The following PPP3CA variants were observed in gnomAD, a reference collection of about 807,000 sequenced individuals.
PPP3CA encodes protein phosphatase 3 catalytic subunit alpha.
A neutral mutation model predicts 66.5 loss-of-function variants in PPP3CA; 14 were observed. That is an observed-to-expected ratio of 0.21 (90% CI 0.14 to 0.33). The LOEUF (loss-of-function observed/expected upper bound fraction) is 0.33. PPP3CA is among the 10% of genes least tolerant of loss of function. The pLI, the probability that PPP3CA is intolerant of heterozygous loss-of-function variation, is 1.00. For synonymous variants in PPP3CA, 232 were observed against 226.2 expected (o/e 1.03, Z -0.23); for missense variants, 317 against 639.5 (o/e 0.50, Z 5.44).
intron 1 of PPP3CA, among the ~76,000 whole-genome samples, chr4:101,209,608 A>G (rs565604944): frequency 1.3e-5 from 2 of 152,328 alleles, no homozygotes; most frequent in East Asian, 3.9e-4. Context: ...ATTTATGCAC[A>G]TAATTTTCCT....
chr4:101,044,814 T>G (rs1194832704), intron 10 of PPP3CA, among the ~76,000 whole-genome samples: 1 of 152,214 alleles, frequency 6.6e-6, no homozygotes, highest in Non-Finnish European at 1.5e-5. Flanking sequence ...CTTCTTGCCC[T>G]TAACTTAGCA....
chr4:101,196,832 G>C (rs1506799), intron 1 of PPP3CA, among the ~76,000 whole-genome samples: 1 of 151,916 alleles, frequency 6.6e-6, no homozygotes. Flanking sequence ...CCACTCACCC[G>C]CATCTTCTTA....
At chr4:101,046,447 T>G (rs1727769918) in intron 10 of PPP3CA, among the ~76,000 whole-genome samples, 1 of 152,090 alleles carries the variant, frequency 6.6e-6, no homozygotes, top group African/African-American at 2.4e-5. Context: ...GGCTTCTTTC[T>G]TTACAGGACG....
intron 1 of PPP3CA, among the ~76,000 whole-genome samples, chr4:101,313,795 A>G (rs1039639707): frequency 6.6e-6 from 1 of 152,250 alleles, no homozygotes; most frequent in African/African-American, 2.4e-5. Context: ...AGAATTTTAA[A>G]TGAAAATAAA....
intron 6 of PPP3CA, among the ~76,000 whole-genome samples, chr4:101,091,228 T>C (rs1729925261): frequency 6.6e-6 from 1 of 152,194 alleles, no homozygotes. Context: ...ATCTAGGGTA[T>C]AATTAGAAAG....
intron 1 of PPP3CA, among the ~76,000 whole-genome samples, chr4:101,248,297 A>C (rs1726555290): frequency 6.6e-6 from 1 of 152,238 alleles, no homozygotes; most frequent in African/African-American, 2.4e-5. Flanking sequence ...TATGCATTAA[A>C]TTTCTAGATT....
At chr4:101,178,095 A>C (rs753030022) in intron 2 of PPP3CA, among the ~76,000 whole-genome samples, 3 of 152,050 alleles carry the variant, frequency 2.0e-5, no homozygotes, top group Non-Finnish European at 2.9e-5. Flanking sequence ...GTAAAGTAGA[A>C]ATTATTTCAA....
intron 2 of PPP3CA, among the ~76,000 whole-genome samples, chr4:101,172,973 C>T (rs1467247372): frequency 6.6e-6 from 1 of 152,166 alleles, no homozygotes. Flanking sequence ...GAACAATTAA[C>T]TGGACATTTA....
At position 101,233,330 on chromosome 4, in the gene PPP3CA, G is replaced by A. The variant is rs565106875; in HGVS notation, c.59-37214C>T. Among the ~76,000 whole-genome samples, 129 of 151,852 alleles carry A rather than the reference G, an allele frequency of 8.5e-4. 2 individuals are homozygous for A. The South Asian group carries it at 0.027, about 31-fold the overall frequency. ...GGCTTTTAGTGCTAAATCCACAAAAGTCCAGGGCAAATGGAACCAACTGCT... is the reference window on the plus strand; with the variant it reads ...GGCTTTTAGTGCTAAATCCACAAAAATCCAGGGCAAATGGAACCAACTGCT... On this transcript the variant is annotated intron_variant, in intron 1 of 13. Coordinates refer to ENST00000394854, the MANE Select transcript of PPP3CA (RefSeq NM_000944.5).
At chr4:101,305,585 T>C (rs915509849) in intron 1 of PPP3CA, among the ~76,000 whole-genome samples, 2 of 152,232 alleles carry the variant, frequency 1.3e-5, no homozygotes, top group African/African-American at 4.8e-5. Flanking sequence ...CTAGAATATA[T>C]TTCTTTCAGA....
intron 8 of PPP3CA, among the ~76,000 whole-genome samples, chr4:101,076,048 A>G (rs1729176424): frequency 1.3e-5 from 2 of 152,154 alleles, no homozygotes; most frequent in South Asian, 4.1e-4. Flanking sequence ...TAATTTTTTT[A>G]AAAATTGAAG....
chr4:101,236,213 A>C (rs1238651815), intron 1 of PPP3CA, among the ~76,000 whole-genome samples: 1 of 151,984 alleles, frequency 6.6e-6, no homozygotes, highest in Non-Finnish European at 1.5e-5. Flanking sequence ...CAAACTTTAA[A>C]TAGTACGATA....
chr4:101,100,573 A>G (rs1480478969), intron 3 of PPP3CA, among the ~76,000 whole-genome samples: 1 of 152,164 alleles, frequency 6.6e-6, no homozygotes, highest in Non-Finnish European at 1.5e-5. Context: ...TGGAATGAGC[A>G]TTAAGTCAAC....
chr4:101,269,994 T>C (rs1560690521), intron 1 of PPP3CA, among the ~76,000 whole-genome samples: 2 of 151,974 alleles, frequency 1.3e-5, no homozygotes, highest in Admixed American at 1.3e-4. Flanking sequence ...TTAGAAGGAG[T>C]TCCTACAAAT....
At chr4:101,302,302 A>C (rs908168715) in intron 1 of PPP3CA, among the ~76,000 whole-genome samples, 27 of 152,216 alleles carry the variant, frequency 1.8e-4, no homozygotes, top group African/African-American at 5.3e-4. Context: ...TAAAATGCTG[A>C]TGCATCCTCA....
chr4:101,051,321 A>T (rs540187331), intron 10 of PPP3CA, among the ~76,000 whole-genome samples: 3 of 152,246 alleles, frequency 2.0e-5, no homozygotes, highest in East Asian at 1.9e-4. Context: ...GCCATAAGAG[A>T]TAAGTTACTC....
At chr4:101,330,357 A>T (rs773715128) in intron 1 of PPP3CA, 37 of 507,266 alleles carry the variant, frequency 7.3e-5, no homozygotes, top group South Asian at 1.8e-4. Flanking sequence ...TTTCTTTAGA[A>T]TCTAAAAAAT....
intron 1 of PPP3CA, among the ~76,000 whole-genome samples, chr4:101,259,355 C>T (rs1180301764): frequency 1.3e-5 from 2 of 151,802 alleles, no homozygotes; most frequent in African/African-American, 4.8e-5. Context: ...ATTCATTCAG[C>T]AAGCAAGCAA....
At position 101,047,306 on chromosome 4, in the gene PPP3CA, T is replaced by C. The variant is rs180946132; in HGVS notation, c.1157-6740A>G. Among the ~76,000 whole-genome samples the C allele has an allele frequency of 6.7e-3, 1,019 of 152,314 alleles. 12 individuals carry two copies. Among genetic ancestry groups the C allele is most frequent in the African/African-American group, 0.023 (946 of 41,574 alleles). On this transcript the variant is annotated intron_variant, in intron 10 of 13. Transcript: ENST00000394854. ...TTACTCTGATGGAATGGCTTCAAAA[T>C]TGTAGCCTTTATAATTTTTAGTCAT...
Sources: gnomAD v4.1 joint callset for allele counts (sites outside exome capture counted in the v4.1 genomes callset) on GRCh38, gnomAD v4.1.1 for gene constraint, MANE v1.5 for transcripts, NCBI Gene and HGNC (gene_info 2026-07-23, HGNC 2026-07-21) for gene names.